Variants in LYPD6 observed in about 807,000 individuals in gnomAD.
The protein encoded by LYPD6 is ly6/PLAUR domain-containing protein 6.
LYPD6 carries 15 observed loss-of-function variants against 22.7 expected under a neutral mutation model. The ratio of observed to expected loss-of-function variants is 0.66; its 90% CI spans 0.44 to 1.02. The LOEUF (loss-of-function observed/expected upper bound fraction) is 1.02. Ranked by LOEUF, LYPD6 falls within the 50% of genes least tolerant of loss-of-function variation. LYPD6 has a pLI of 0.00. For missense variants in LYPD6, 189 were observed against 208.4 expected (o/e 0.91, Z 0.57); for synonymous variants, 72 against 77.5 (o/e 0.93, Z 0.37).
chr2:149,416,932 C>A (rs1293687944), intron 1 of LYPD6, among the ~76,000 whole-genome samples: 1 of 152,112 alleles, frequency 6.6e-6, no homozygotes, highest in Admixed American at 6.5e-5. Context: ...TGGTCTTGGG[C>A]CCAATCTTGC....
intron 1 of LYPD6, among the ~76,000 whole-genome samples, chr2:149,345,119 A>G (rs1296098284): frequency 6.6e-6 from 1 of 152,102 alleles, no homozygotes; most frequent in African/African-American, 2.4e-5. Flanking sequence ...CCATCTCTGA[A>G]AAAAGAATGA....
intron 1 of LYPD6, among the ~76,000 whole-genome samples, chr2:149,379,556 C>T (rs1178195063): frequency 1.3e-5 from 2 of 152,246 alleles, no homozygotes; most frequent in African/African-American, 2.4e-5. Flanking sequence ...AGAATTTATT[C>T]TCATGATCGT....
chr2:149,482,146 A>C, the LYPD6 span, among the ~76,000 whole-genome samples: 1 of 152,324 alleles, frequency 6.6e-6, no homozygotes, highest in East Asian at 1.9e-4. Context: ...CTTTAAAAAA[A>C]ATTCCAAACT....
In LYPD6 at chr2:149,468,774, A is replaced by G. The variant is rs1681264494; in HGVS notation, c.347A>G (p.Lys116Arg). 1 of 1,613,194 alleles carries G rather than the reference A, an allele frequency of 6.2e-7. No individual in the cohort carries two copies. The highest frequency in any genetic ancestry group is 1.1e-5 in the South Asian group (1 of 91,072). ...AGAGACTCCGAGCATGAAGGCCACA[A>G]GGTCTGGGCAACAGAGCAAGTGACC... ...GCRDSEHEGHKVCTSCCEGNI... is the reference protein window; with the variant it reads ...GCRDSEHEGHRVCTSCCEGNI... The change falls in exon 4 of 5, where the codon AAG (lysine) becomes AGG (arginine). Residue 116 changes from lysine to arginine, a missense_variant and splice_region_variant. By Grantham distance (26) the Lys-to-Arg change is conservative. Transcript: ENST00000334166.
chr2:149,414,412 T>TA (rs35302478), intron 1 of LYPD6, among the ~76,000 whole-genome samples: 1 of 152,174 alleles, frequency 6.6e-6, no homozygotes, highest in Non-Finnish European at 1.5e-5. Context: ...AAGGTGTTTC[T>TA]AAAAAAATAG....
intron 2 of LYPD6, among the ~76,000 whole-genome samples, chr2:149,444,487 T>C (rs1363579795): frequency 6.6e-6 from 1 of 152,216 alleles, no homozygotes; most frequent in Non-Finnish European, 1.5e-5. Context: ...GTGATGCTGT[T>C]TGACAGCATT....
Position 149,451,955 on chromosome 2 carries a change from G to A in LYPD6, c.217+2808G>A, listed in dbSNP as rs1056818877. 5.3e-5 allele frequency among the ~76,000 whole-genome samples: 8 copies of A among 152,158 alleles called. No individual in the cohort carries two copies. The East Asian group carries it at 1.4e-3, about 26-fold the overall frequency. On this transcript the variant is annotated intron_variant, in intron 3 of 4. Coordinates refer to ENST00000334166, the MANE Select transcript of LYPD6 (RefSeq NM_194317.5). ...AAAGGTAAGTGCCAAGTGGAACCTG[G>A]CATTAAGCACTGTGGGAGTTTACAG...
intron 1 of LYPD6, among the ~76,000 whole-genome samples, chr2:149,405,433 G>T (rs1234934077): frequency 6.6e-6 from 1 of 152,078 alleles, no homozygotes; most frequent in South Asian, 2.1e-4. Context: ...GTCTATTCAG[G>T]GATTCAACTT....
At chr2:149,424,535 C>T (rs538814766) in intron 1 of LYPD6, among the ~76,000 whole-genome samples, 152 of 152,248 alleles carry the variant, frequency 1.0e-3, no homozygotes, top group Non-Finnish European at 1.9e-3. Context: ...ATTGTCCTTA[C>T]GAAATAAGGC....
chr2:149,457,509 A>G (rs1680989072), intron 3 of LYPD6, among the ~76,000 whole-genome samples: 1 of 152,216 alleles, frequency 6.6e-6, no homozygotes, highest in Non-Finnish European at 1.5e-5. Flanking sequence ...ACAACAGTAG[A>G]TCTCAACCAG....
At chr2:149,420,783 C>A (rs1210122240) in intron 1 of LYPD6, among the ~76,000 whole-genome samples, 1 of 152,114 alleles carries the variant, frequency 6.6e-6, no homozygotes, top group Non-Finnish European at 1.5e-5. Flanking sequence ...TGTGATTATG[C>A]GGGACTGCTA....
chr2:149,384,852 T>C (rs912175297), intron 1 of LYPD6, among the ~76,000 whole-genome samples: 1 of 151,788 alleles, frequency 6.6e-6, no homozygotes, highest in African/African-American at 2.4e-5. Flanking sequence ...TAGCATTAGG[T>C]ATATCTCCTA....
At chr2:149,423,788 A>C (rs973608983) in intron 1 of LYPD6, among the ~76,000 whole-genome samples, 34 of 151,064 alleles carry the variant, frequency 2.3e-4, no homozygotes, top group Admixed American at 2.6e-4. Flanking sequence ...GGGGGGTGTC[A>C]CTGTTCAAAT....
At chr2:149,427,874 T>A (rs1264019297) in intron 1 of LYPD6, among the ~76,000 whole-genome samples, 1 of 152,250 alleles carries the variant, frequency 6.6e-6, no homozygotes, top group Non-Finnish European at 1.5e-5. Context: ...CAACAAGACA[T>A]CATTTGCCCT....
the LYPD6 span, among the ~76,000 whole-genome samples, chr2:149,483,524 A>G: frequency 1.3e-5 from 2 of 152,224 alleles, no homozygotes; most frequent in Non-Finnish European, 2.9e-5. Context: ...AGAATTATTT[A>G]GAAGACTCTA....
chr2:149,429,451 T>A (rs974514160), intron 1 of LYPD6, among the ~76,000 whole-genome samples: 2 of 152,202 alleles, frequency 1.3e-5, no homozygotes, highest in Non-Finnish European at 2.9e-5. Flanking sequence ...TGCTTCCCCT[T>A]CCTTCCCAGT....
chr2:149,361,076 T>C (rs1681563481), intron 1 of LYPD6, among the ~76,000 whole-genome samples: 2 of 152,358 alleles, frequency 1.3e-5, no homozygotes, highest in South Asian at 2.1e-4. Context: ...TTTATTAACA[T>C]GTATATTTCA....
At chr2:149,403,076 C>G (rs1321076729) in intron 1 of LYPD6, among the ~76,000 whole-genome samples, 1 of 152,066 alleles carries the variant, frequency 6.6e-6, no homozygotes, top group Non-Finnish European at 1.5e-5. Context: ...TTTTTTATGG[C>G]TGCATAGTAT....
chr2:149,413,308 C>G (rs1682893304), intron 1 of LYPD6, among the ~76,000 whole-genome samples: 1 of 152,130 alleles, frequency 6.6e-6, no homozygotes, highest in Non-Finnish European at 1.5e-5. Flanking sequence ...TTACTGGGTA[C>G]ATTTTCTACC....
Sources: gnomAD v4.1 joint callset for allele counts (sites outside exome capture counted in the v4.1 genomes callset) on GRCh38, gnomAD v4.1.1 for gene constraint, MANE v1.5 for transcripts, NCBI Gene and HGNC (gene_info 2026-07-23, HGNC 2026-07-21) for gene names.